CACNA1F: variants seen among roughly 807,000 people sequenced by gnomAD.
CACNA1F encodes calcium voltage-gated channel subunit alpha1 F.
In CACNA1F, 59 loss-of-function variants were observed where a neutral mutation model predicts 143.8. That is an observed-to-expected ratio of 0.41 (90% confidence interval 0.33 to 0.51). The LOEUF (loss-of-function observed/expected upper bound fraction) is 0.51. Ranked by LOEUF, CACNA1F falls within the 20% of genes least tolerant of loss-of-function variation. CACNA1F has a pLI of 0.22. For synonymous variants in CACNA1F, 643 were observed against 649.1 expected (o/e 0.99, Z 0.14); for missense variants, 1,411 against 1,647.5 (o/e 0.86, Z 2.48).
At position 49,210,777 on chromosome X, in the gene CACNA1F, C is replaced by T. The variant is rs932924685; in HGVS notation, c.4389-91G>A. 13 of 889,510 alleles carry T rather than the reference C, an allele frequency of 1.5e-5. No individual in the cohort carries two copies. In the African/African-American group the frequency reaches 1.8e-4, roughly 12 times the overall value. The allele number at this position is 889,510 out of a possible 1,213,427, so 73.3% of individuals were successfully genotyped here. Reference sequence around the variant, plus strand: ...CCAGCTCATCACTACCTCCTCCTACCAATACCCCAGAGCTTGCCAGGGAAG... The same window carrying T: ...CCAGCTCATCACTACCTCCTCCTACTAATACCCCAGAGCTTGCCAGGGAAG... On this transcript the variant is annotated intron_variant, in intron 37 of 47. Coordinates refer to ENST00000323022, the MANE Select transcript of CACNA1F (RefSeq NM_001256789.3).
chrX:49,233,120 T>C (rs2065892419), intron 1 of CACNA1F, 165 bp downstream of exon 1: 1 of 506,885 alleles, frequency 2.0e-6, no homozygotes, highest in Admixed American at 2.8e-5. Context: ...GCGTTAGGGC[T>C]CTGGTGGCAG....
intron 31 of CACNA1F, 101 bp downstream of exon 31, chrX:49,213,718 T>G (rs2065680319): frequency 1.7e-6 from 1 of 584,420 alleles, no homozygotes. Context: ...GTAGGGAGGA[T>G]GTGCGTGGGA....
chrX:49,216,311 A>C, intron 27 of CACNA1F, 71 bp downstream of exon 27: 1 of 1,100,478 alleles, frequency 9.1e-7, no homozygotes, highest in Non-Finnish European at 1.3e-6. Context: ...ACCCATTCCC[A>C]GGAGATCCCA....
At chrX:49,227,979 A>G (rs2065840856) in intron 8 of CACNA1F, 57 bp downstream of exon 8, 1 of 830,238 alleles carries the variant, frequency 1.2e-6, no homozygotes, top group Non-Finnish European at 1.8e-6. Context: ...TTTGCCAGGC[A>G]CAAAGAAGTG....
intron 41 of CACNA1F, 93 bp downstream of exon 41, chrX:49,209,536 T>C: frequency 3.4e-6 from 4 of 1,162,924 alleles, no homozygotes; most frequent in Non-Finnish European, 4.7e-6. Context: ...TTTCCTTATC[T>C]GTGACATGGG....
At chrX:49,219,087 T>C in intron 21 of CACNA1F, 146 bp from the exon 22 acceptor site, 1 of 608,914 alleles carries the variant, frequency 1.6e-6, no homozygotes, top group Non-Finnish European at 2.7e-6. Context: ...GCCTTTGGCC[T>C]GCTTAACCTC....
At chrX:49,225,490 G>A (rs2065814750) in intron 13 of CACNA1F, among the ~76,000 whole-genome samples, 1 of 111,085 alleles carries the variant, frequency 9.0e-6, no homozygotes, top group Admixed American at 9.6e-5. Context: ...CCATTTTGTA[G>A]ATGTGGAGAA....
Position 49,212,671 on chromosome X carries a change from A to G in CACNA1F, c.3938T>C (p.Phe1313Ser). The G allele has an allele frequency of 8.3e-7, 1 of 1,210,069 alleles. No homozygotes were observed. The highest frequency in any genetic ancestry group is 1.1e-6 in the Non-Finnish European group (1 of 894,429). The change falls in exon 33 of 48, where the codon TTC becomes TCC. Residue 1313 changes from phenylalanine (F) to serine (S), a missense_variant. Phe to Ser is a radical substitution (Grantham distance 155). This residue lies in a region of CACNA1F where 950 missense variants were observed against 1,128.1 expected (regional missense o/e 0.84). Coordinates refer to ENST00000323022, the MANE Select transcript of CACNA1F (RefSeq NM_001256789.3). ...AGGGATGGGGTAGGGGATTACCTGG[A>G]AGGACTTGATGAATGTCCAGAGCAA... ...RTLLWTFIKS[F>S]QALPYVALLI...
intron 15 of CACNA1F, 32 bp downstream of exon 15, chrX:49,222,897 G>A (rs782178075): frequency 8.4e-5 from 42 of 497,898 alleles, no homozygotes; most frequent in African/African-American, 2.7e-4. Context: ...GGGTCTCCCC[G>A]ACCCACCCAT....
intron 46 of CACNA1F, 69 bp downstream of exon 46, chrX:49,206,442 G>T: frequency 1.8e-5 from 8 of 435,123 alleles, no homozygotes; most frequent in Non-Finnish European, 3.4e-5. Context: ...TGCTGTGTTT[G>T]AGAAATTCAG....
intron 26 of CACNA1F, 28 bp downstream of exon 26, chrX:49,217,727 C>T (rs368277023): frequency 5.9e-6 from 7 of 1,186,383 alleles, no homozygotes; most frequent in African/African-American, 5.3e-5. Flanking sequence ...TCCTGAGCTC[C>T]GTGGACGGCA....
rs782679705 is a variant in CACNA1F, at chrX:49,228,413, C to T, written c.852G>A (p.Ala284=). The T allele has an allele frequency of 1.7e-6, 2 of 1,207,859 alleles. No homozygotes were observed. The highest frequency in any genetic ancestry group is 1.8e-5 in the South Asian group (1 of 56,351). The change falls in exon 7 of 48, where the codon GCG becomes GCA. Residue 284 remains alanine, a synonymous_variant. Transcript: ENST00000323022. Reference sequence around the variant, plus strand: ...TGCACGCACGCCCTGATCCCGAAGACGCACAGGGCGATGGGTCCTCCTCCG... The same window carrying T: ...TGCACGCACGCCCTGATCCCGAAGATGCACAGGGCGATGGGTCCTCCTCCG... ...MEAEEDPSPC[A]SSGSGRACTL...
At chrX:49,208,197 CAA>C (rs1182146690) in intron 43 of CACNA1F, among the ~76,000 whole-genome samples, 197 of 47,373 alleles carry the variant, frequency 4.2e-3, no homozygotes, top group Middle Eastern at 0.011. Context: ...GACTCTGTCT[CAA>C]AAAAAAAAAA....
Position 49,219,763 on chromosome X carries a change from T to TC in CACNA1F, c.2413dup (p.Glu805GlyfsTer32). On this transcript the variant is annotated frameshift_variant, in exon 20 of 48. Transcript: ENST00000323022. LOFTEE classifies it high-confidence loss of function. ...TTCCTCTTCTTCCTCTTCTTCCTCT[T>TC]CTTCCTCCTCCTCCTCCTCCTCCAT... 2.7e-6 allele frequency: 3 copies of TC among 1,107,816 alleles called. No homozygotes were observed. Among genetic ancestry groups the TC allele is most frequent in the African/African-American group, 4.3e-5 (2 of 45,992 alleles). 91.3% of individuals were successfully genotyped at this position (1,107,816 alleles called of 1,213,427 possible). A position where few individuals can be genotyped will look rare whatever the true frequency, so the allele number is the denominator to read the frequency against.
At chrX:49,215,657 C>T (rs2065707996) in intron 27 of CACNA1F, 114 bp from the exon 28 acceptor site, 3 of 488,515 alleles carry the variant, frequency 6.1e-6, no homozygotes. Flanking sequence ...CTGCCTGGCA[C>T]CCCAAAGACC....
chrX:49,228,535 C>T (rs1557110599), intron 6 of CACNA1F, 88 bp from the exon 7 acceptor site: 1 of 700,867 alleles, frequency 1.4e-6, no homozygotes, highest in East Asian at 3.5e-5. Flanking sequence ...GGAAGCTCGA[C>T]TTGGGTCCTA....
rs781835419 is a variant in CACNA1F, at chrX:49,218,308, A to T, written c.2928+147T>A. On this transcript the variant is annotated intron_variant, in intron 24 of 47. Transcript: ENST00000323022. The stretch of plus-strand genomic sequence containing the variant: ...TTGGAAGGAACATGGGTCAGGCCAC[A>T]TGGCTAGTGGTCAGAGATGTGTATT... The T allele has an allele frequency of 5.2e-5, 26 of 500,506 alleles. No homozygotes were observed. The East Asian group carries it at 9.1e-4, about 18-fold the overall frequency. The allele number at this position is 500,506 out of a possible 1,213,427, so 41.2% of individuals were successfully genotyped here. A position where few individuals can be genotyped will look rare whatever the true frequency, so the allele number is the denominator to read the frequency against.
At position 49,206,543 on chromosome X, in the gene CACNA1F, G is replaced by A. The variant is rs368042608; in HGVS notation, c.5440C>T (p.Arg1814Cys). Reference protein sequence around the residue: ...EDLPIPGTYHRGRNSGPNRAQ... With the variant: ...EDLPIPGTYHCGRNSGPNRAQ... The stretch of plus-strand genomic sequence containing the variant: ...CTATTGGGCCCTGAATTTCGCCCAC[G>A]ATGATAGGTGCCTGGGATGGGTAAA... Residue 1814 changes from arginine to cysteine, a missense_variant, in exon 46 of 48, where the codon CGT becomes TGT. By Grantham distance (180) the Arg-to-Cys change is radical. Coordinates refer to ENST00000323022, the MANE Select transcript of CACNA1F (RefSeq NM_001256789.3). The A allele has an allele frequency of 7.5e-6, 9 of 1,207,586 alleles. No homozygotes were observed. Among genetic ancestry groups the A allele is most frequent in the African/African-American group, 7.0e-5 (4 of 57,022 alleles).
chrX:49,228,560 T>C (rs2065847872), intron 6 of CACNA1F, 113 bp from the exon 7 acceptor site: 1 of 579,964 alleles, frequency 1.7e-6, no homozygotes. Context: ...TTTCTCTTTC[T>C]CTCTTTCTTT....
Sources: gnomAD v4.1 joint callset for allele counts (sites outside exome capture counted in the v4.1 genomes callset) on GRCh38, gnomAD v4.1.1 for gene constraint, gnomAD v4.1.1 regional missense constraint, MANE v1.5 for transcripts, NCBI Gene and HGNC (gene_info 2026-07-23, HGNC 2026-07-21) for gene names.